The following DAZAP1 variants were observed in gnomAD, a reference collection of about 807,000 sequenced individuals.
DAZAP1 encodes DAZ associated protein 1.
DAZAP1 carries 6 observed loss-of-function variants against 60.1 expected under a neutral mutation model. The observed-to-expected ratio is 0.10, with a 90% CI of 0.05 to 0.20. The LOEUF (loss-of-function observed/expected upper bound fraction) is 0.20. DAZAP1 is among the 10% of genes least tolerant of loss of function. The pLI is 1.00. For synonymous variants in DAZAP1, 235 were observed against 215.9 expected (o/e 1.09, Z -0.78); for missense variants, 366 against 560.4 (o/e 0.65, Z 3.50).
At chr19:1,414,244 C>T (rs1178029093) in intron 1 of DAZAP1, among the ~76,000 whole-genome samples, 1 of 152,008 alleles carries the variant, frequency 6.6e-6, no homozygotes, top group African/African-American at 2.4e-5. Flanking sequence ...TCTCGAACTC[C>T]TGACCTCAGG....
At position 1,430,262 on chromosome 19, in the gene DAZAP1, G is replaced by GTGAACCCCCCC; in HGVS notation, c.771_772insTGAACCCCCCC (p.Pro258Ter). 1.7e-6 allele frequency: 1 copy of GTGAACCCCCCC among 585,190 alleles called. No individual in the cohort carries two copies. Among genetic ancestry groups the GTGAACCCCCCC allele is most frequent in the Non-Finnish European group, 2.7e-6 (1 of 366,888 alleles). 36.2% of individuals were successfully genotyped at this position (585,190 alleles called of 1,614,324 possible). A position where few individuals can be genotyped will look rare whatever the true frequency, so the allele number is the denominator to read the frequency against. ...CCCCTGCAGGAAGAGGAGCCCCCCCGCCACCCCCACCGTTCACCTCCTACA... is the reference window on the plus strand; with the variant it reads ...CCCCTGCAGGAAGAGGAGCCCCCCCGTGAACCCCCCCCCACCCCCACCGTTCACCTCCTACA... On this transcript the variant is annotated stop_gained and frameshift_variant, in exon 10 of 12. Coordinates refer to ENST00000233078, the MANE Select transcript of DAZAP1 (RefSeq NM_018959.4). LOFTEE classifies it high-confidence loss of function.
rs1458193320 is a variant in DAZAP1 at position 1,430,256 on chromosome 19, C to T, written c.765C>T (p.Ala255=). ...GACCGCCCCCTGCAGGAAGAGGAGC[C>T]CCCCCGCCACCCCCACCGTTCACCT... ...GYGPPPAGRG[A]PPPPPPFTSY... Residue 255 remains alanine, a synonymous_variant, in exon 10 of 12, where the codon GCC becomes GCT. Transcript: ENST00000233078. 1.8e-6 allele frequency: 2 copies of T among 1,088,794 alleles called. No homozygotes were observed. The highest frequency in any genetic ancestry group is 1.4e-6 in the Non-Finnish European group (1 of 735,564). The allele number at this position is 1,088,794 out of a possible 1,614,324, so 67.4% of individuals were successfully genotyped here. A position where few individuals can be genotyped will look rare whatever the true frequency, so the allele number is the denominator to read the frequency against.
intron 1 of DAZAP1, 27 bp downstream of exon 1, chr19:1,407,829 T>C: frequency 9.4e-7 from 1 of 1,063,134 alleles, no homozygotes; most frequent in Non-Finnish European, 1.1e-6. Context: ...CGGGCCTGCG[T>C]CTCCGCCCCG....
rs1347167555 is a variant in DAZAP1, at chr19:1,433,742, T to C, written c.1049-995T>C. ...CCCTGGTCTCGTCTCTTGCCAGGCCTGGGTTCCTATTCTCCAGCCCCGCCG... is the reference window on the plus strand; with the variant it reads ...CCCTGGTCTCGTCTCTTGCCAGGCCCGGGTTCCTATTCTCCAGCCCCGCCG... On this transcript the variant is annotated intron_variant, in intron 11 of 11. Transcript: ENST00000233078. The surrounding 1 kb of genome is among the most constrained non-coding windows in gnomAD (Gnocchi z 6.1). 3.7e-6 allele frequency: 6 copies of C among 1,613,488 alleles called. No homozygotes were observed. Among genetic ancestry groups the C allele is most frequent in the Non-Finnish European group, 5.1e-6 (6 of 1,179,700 alleles).
rs919630035 is a variant in DAZAP1, at chr19:1,423,571, G to A, written c.463+1175G>A. Among the ~76,000 whole-genome samples, 1 of 152,192 alleles carries A rather than the reference G, an allele frequency of 6.6e-6. No individual in the cohort carries two copies. Among genetic ancestry groups the A allele is most frequent in the Non-Finnish European group, 1.5e-5 (1 of 68,028 alleles). ...GTGGTGATGTCGCCTCTTGACAGCC[G>A]CATTCCTAGACAGCGCTCAGGGCGC... On this transcript the variant is annotated intron_variant, in intron 6 of 11. Coordinates refer to ENST00000233078, the MANE Select transcript of DAZAP1 (RefSeq NM_018959.4). This position sits in a 1 kb window ranked among gnomAD's most constrained non-coding sequence, Gnocchi z 6.8.
rs541834247 is a variant in DAZAP1 at position 1,416,669 on chromosome 19, C to T, written c.30-831C>T. On this transcript the variant is annotated intron_variant, in intron 1 of 11. Coordinates refer to ENST00000233078, the MANE Select transcript of DAZAP1 (RefSeq NM_018959.4). This position sits in a 1 kb window ranked among gnomAD's most constrained non-coding sequence, Gnocchi z 4.3. Reference sequence around the variant, plus strand: ...CATTGGGAGTTGGCACAGCCAAGGCCCTGGGGCCACCTGGAGCGGCAGTGA... The same window carrying T: ...CATTGGGAGTTGGCACAGCCAAGGCTCTGGGGCCACCTGGAGCGGCAGTGA... The T allele has an allele frequency of 2.0e-5, 3 of 152,584 alleles. No individual in the cohort carries two copies. In the East Asian group the frequency reaches 5.8e-4, roughly 29 times the overall value. The allele number at this position is 152,584 out of a possible 1,614,324, so 9.5% of individuals were successfully genotyped here.
At chr19:1,427,980 G>T (rs1301955404) in intron 7 of DAZAP1, 1 of 152,206 alleles carries the variant, frequency 6.6e-6, no homozygotes, top group African/African-American at 2.4e-5. Flanking sequence ...CCCCGGAATT[G>T]GGGGGATCTT....
chr19:1,413,989 CTGTGTGTGTGTGTG>C (rs3065755), intron 1 of DAZAP1, among the ~76,000 whole-genome samples: 35 of 130,156 alleles, frequency 2.7e-4, no homozygotes, highest in African/African-American at 4.1e-4. Flanking sequence ...CCCCAGTGAA[CTGTGTGTGTGTGTG>C]TGTGTGTGTG....
At chr19:1,410,633 G>T (rs774526898) in intron 1 of DAZAP1, among the ~76,000 whole-genome samples, 8 of 152,240 alleles carry the variant, frequency 5.3e-5, no homozygotes, top group Non-Finnish European at 1.2e-4. Context: ...TTGAGTAGCC[G>T]CTGGGTGCTA....
At position 1,418,134 on chromosome 19, in the gene DAZAP1, C is replaced by T; in HGVS notation, c.71-70C>T. ...TGGACTGGAGGAGTGTGCGTGCCGG[C>T]AGCACTGCCAGGCACGTGCCTAATG... On this transcript the variant is annotated intron_variant, in intron 2 of 11. Transcript: ENST00000233078. The surrounding 1 kb of genome is among the most constrained non-coding windows in gnomAD (Gnocchi z 5.7). 1.3e-6 allele frequency: 2 copies of T among 1,520,462 alleles called. No individual in the cohort carries two copies. Among genetic ancestry groups the T allele is most frequent in the Non-Finnish European group, 9.1e-7 (1 of 1,102,062 alleles). The allele number at this position is 1,520,462 out of a possible 1,614,324, so 94.2% of individuals were successfully genotyped here.
At chr19:1,413,853 AC>A (rs1335604368) in intron 1 of DAZAP1, among the ~76,000 whole-genome samples, 5 of 152,208 alleles carry the variant, frequency 3.3e-5, no homozygotes, top group African/African-American at 1.2e-4. Context: ...AGTCTTTTAT[AC>A]CATAATTGTA....
chr19:1,407,846 G>A, intron 1 of DAZAP1, 44 bp downstream of exon 1: 1 of 1,057,376 alleles, frequency 9.5e-7, no homozygotes, highest in East Asian at 6.5e-5. Context: ...CCCGAGCCCG[G>A]CCCGCCGCTC....
In DAZAP1 at chr19:1,434,925, C is replaced by G; in HGVS notation, c.*13C>G. On this transcript the variant is annotated 3_prime_UTR_variant, in exon 12 of 12. Transcript: ENST00000233078. This position sits in a 1 kb window ranked among gnomAD's most constrained non-coding sequence, Gnocchi z 8.0. ...CTACCGACGCTAGCCCGCGGCGCCG[C>G]GACGTCTGCACGGCCCAGACCCAGG... 10 of 1,425,260 alleles carry G rather than the reference C, an allele frequency of 7.0e-6. No homozygotes were observed. The highest frequency in any genetic ancestry group is 8.3e-6 in the Non-Finnish European group (9 of 1,087,534). 88.3% of individuals were successfully genotyped at this position (1,425,260 alleles called of 1,614,324 possible).
At chr19:1,429,029 C>G in intron 8 of DAZAP1, 34 bp downstream of exon 8, 1 of 1,541,160 alleles carries the variant, frequency 6.5e-7, no homozygotes, top group Non-Finnish European at 8.7e-7. Flanking sequence ...ACGGGAATGT[C>G]CCCCTTCTCG....
intron 1 of DAZAP1, among the ~76,000 whole-genome samples, chr19:1,415,059 C>T (rs1334830733): frequency 6.6e-6 from 1 of 152,128 alleles, no homozygotes; most frequent in Non-Finnish European, 1.5e-5. Flanking sequence ...GATCTGCGCC[C>T]AGCTGAGAAA....
At position 1,431,031 on chromosome 19, in the gene DAZAP1, TA is replaced by T. The variant is rs1275635920; in HGVS notation, c.871+671del. On this transcript the variant is annotated intron_variant, in intron 10 of 11. Transcript: ENST00000233078. ...TGACTGCGCCCAGCCTCACAGGCTC[TA>T]ATTCTTGACTAATTTTCCTGTACAC... Among the ~76,000 whole-genome samples the T allele has an allele frequency of 2.6e-5, 4 of 151,678 alleles. No homozygotes were observed. The East Asian group carries it at 7.8e-4, about 30-fold the overall frequency.
At position 1,434,940 on chromosome 19, in the gene DAZAP1, C is replaced by T. The variant is rs2083559975; in HGVS notation, c.*28C>T. 1 of 1,327,094 alleles carries T rather than the reference C, an allele frequency of 7.5e-7. No homozygotes were observed. The highest frequency in any genetic ancestry group is 9.7e-7 in the Non-Finnish European group (1 of 1,032,452). The allele number at this position is 1,327,094 out of a possible 1,614,324, so 82.2% of individuals were successfully genotyped here. ...CGCGGCGCCGCGACGTCTGCACGGCCCAGACCCAGGATTCCAAACTTGTGA... is the reference window on the plus strand; with the variant it reads ...CGCGGCGCCGCGACGTCTGCACGGCTCAGACCCAGGATTCCAAACTTGTGA... On this transcript the variant is annotated 3_prime_UTR_variant, in exon 12 of 12. Coordinates refer to ENST00000233078, the MANE Select transcript of DAZAP1 (RefSeq NM_018959.4). This position sits in a 1 kb window ranked among gnomAD's most constrained non-coding sequence, Gnocchi z 8.0.
In DAZAP1 at chr19:1,434,440, AC is replaced by A. The variant is rs1159369128; in HGVS notation, c.1049-290del. 3.2e-5 allele frequency: 11 copies of A among 347,174 alleles called. No homozygotes were observed. The highest frequency in any genetic ancestry group is 4.2e-5 in the Non-Finnish European group (8 of 188,808). The allele number at this position is 347,174 out of a possible 1,614,324, so 21.5% of individuals were successfully genotyped here. A position where few individuals can be genotyped will look rare whatever the true frequency, so the allele number is the denominator to read the frequency against. ...CCCCGAGGCTTCTCTACCTCCCCTC[AC>A]CCCCCCAACCACGTCTTCGGGATTG... On this transcript the variant is annotated intron_variant, in intron 11 of 11. Transcript: ENST00000233078. The surrounding 1 kb of genome is among the most constrained non-coding windows in gnomAD (Gnocchi z 8.0).
In DAZAP1 at chr19:1,423,084, G is replaced by A. The variant is rs569267921; in HGVS notation, c.463+688G>A. ...TTTGGTTCATCAGCTGCTTTTGGCC[G>A]GCCACGTGAGCAGACCTGCAGCCTG... is the stretch of plus-strand genomic sequence containing the variant. On this transcript the variant is annotated intron_variant, in intron 6 of 11. Coordinates refer to ENST00000233078, the MANE Select transcript of DAZAP1 (RefSeq NM_018959.4). This position sits in a 1 kb window ranked among gnomAD's most constrained non-coding sequence, Gnocchi z 6.8. Among the ~76,000 whole-genome samples, 1 of 149,220 alleles carries A rather than the reference G, an allele frequency of 6.7e-6. No individual in the cohort carries two copies. Among genetic ancestry groups the A allele is most frequent in the Non-Finnish European group, 1.5e-5 (1 of 67,882 alleles).
Sources: allele counts gnomAD v4.1 joint callset (sites outside exome capture counted in the v4.1 genomes callset), GRCh38; gene constraint gnomAD v4.1.1; non-coding constraint Gnocchi (gnomAD v3.1); transcripts MANE v1.5; gene names NCBI Gene and HGNC (gene_info 2026-07-23, HGNC 2026-07-21).